Variants in RHD observed in about 807,000 individuals in gnomAD.
RHD encodes the protein blood group Rh(D) polypeptide.
Under a neutral mutation model 45.5 loss-of-function variants are expected in RHD, and 16 were observed. That is an observed-to-expected ratio of 0.35 (90% CI 0.24 to 0.53). The LOEUF is 0.53. RHD is among the 20% of genes least tolerant of loss of function. RHD has a pLI of 0.92. For missense variants in RHD, 306 were observed against 532.0 expected (o/e 0.58, Z 4.18); for synonymous variants, 131 against 217.5 (o/e 0.60, Z 3.50).
intron 8 of RHD, among the ~76,000 whole-genome samples, chr1:25,321,612 G>A (rs1644708688): frequency 7.9e-6 from 1 of 126,532 alleles, no homozygotes; most frequent in Admixed American, 7.9e-5. Flanking sequence ...AGAGGCTGCA[G>A]TGAGCCGAGA....
In RHD at chr1:25,284,777, G is replaced by A; in HGVS notation, c.335+18G>A. ...CTGTTCAGGTATTGGGATGGTGGCT[G>A]GATCACTTCTGGGTCATAGAGGGAA... On this transcript the variant is annotated intron_variant, in intron 2 of 9. Transcript: ENST00000328664. 3.6e-6 allele frequency: 5 copies of A among 1,386,660 alleles called. No individual in the cohort carries two copies. Among genetic ancestry groups the A allele is most frequent in the Non-Finnish European group, 5.1e-6 (5 of 983,752 alleles). 85.9% of individuals were successfully genotyped at this position (1,386,660 alleles called of 1,614,324 possible). A position where few individuals can be genotyped will look rare whatever the true frequency, so the allele number is the denominator to read the frequency against.
At chr1:25,277,066 A>C (rs1278396618) in intron 1 of RHD, among the ~76,000 whole-genome samples, 1 of 130,490 alleles carries the variant, frequency 7.7e-6, no homozygotes, top group Non-Finnish European at 1.8e-5. Flanking sequence ...GACTCCGTCT[A>C]AAAAAAAATG....
intron 6 of RHD, among the ~76,000 whole-genome samples, chr1:25,303,760 C>T (rs1408647842): frequency 7.7e-6 from 1 of 130,532 alleles, no homozygotes; most frequent in Non-Finnish European, 1.8e-5. Context: ...GCCCCGAAGC[C>T]CCTGTTTTAC....
chr1:25,322,494 G>A lies in RHD; in HGVS notation c.1227+532G>A, dbSNP rs193264761. Among the ~76,000 whole-genome samples the A allele has an allele frequency of 5.0e-3, 658 of 132,280 alleles. 163 individuals carry two copies. The highest frequency in any genetic ancestry group is 4.1e-3 in the East Asian group (21 of 5,098). 86.8% of individuals were successfully genotyped at this position (132,280 alleles called of 152,430 possible). On this transcript the variant is annotated intron_variant, in intron 9 of 9. Coordinates refer to ENST00000328664, the MANE Select transcript of RHD (RefSeq NM_016124.6). ...TCGAGACCAGCCTGGCCAACGTGTC[G>A]AAACCCCATCTCTACTAAAAATACA...
In RHD at chr1:25,285,873, C is replaced by G. The variant is rs1641942033; in HGVS notation, c.335+1114C>G. ...AGGGACCTCTCAAGGCCATTCCAGC[C>G]TCCCCTTCTAAGACCCTGCTAAACC... is the stretch of plus-strand genomic sequence containing the variant. On this transcript the variant is annotated intron_variant, in intron 2 of 9. Transcript: ENST00000328664. Among the ~76,000 whole-genome samples, 4 of 134,756 alleles carry G rather than the reference C, an allele frequency of 3.0e-5. No homozygotes were observed. The South Asian group carries it at 6.6e-4, about 22-fold the overall frequency. The allele number at this position is 134,756 out of a possible 152,430, so 88.4% of individuals were successfully genotyped here.
rs557746335 is a variant in RHD at position 25,276,532 on chromosome 1, TA to T, written c.148+3860del. The stretch of plus-strand genomic sequence containing the variant: ...ACATAGGGAGACCCCCCCCCATCTC[TA>T]AAAAAAAAAAAAAAAAAAAAAACTT... On this transcript the variant is annotated intron_variant, in intron 1 of 9. Transcript: ENST00000328664. Among the ~76,000 whole-genome samples, 416 of 64,748 alleles carry T rather than the reference TA, an allele frequency of 6.4e-3. 33 individuals are homozygous for T. The highest frequency in any genetic ancestry group is 0.011 in the Admixed American group (75 of 6,772). 42.5% of individuals were successfully genotyped at this position (64,748 alleles called of 152,430 possible).
In RHD at chr1:25,306,247, A is replaced by G. The variant is rs148021941; in HGVS notation, c.940-349A>G. 3.1e-3 allele frequency among the ~76,000 whole-genome samples: 404 copies of G among 131,844 alleles called. 68 individuals carry two copies. The highest frequency in any genetic ancestry group is 7.2e-3 in the African/African-American group (277 of 38,294). 86.5% of individuals were successfully genotyped at this position (131,844 alleles called of 152,430 possible). On this transcript the variant is annotated intron_variant, in intron 6 of 9. Coordinates refer to ENST00000328664, the MANE Select transcript of RHD (RefSeq NM_016124.6). Reference sequence around the variant, plus strand: ...GGGATGCTGCTTAACATCCTACAGTACACAGGGCAGCCCCCACCACAAGGA... The same window carrying G: ...GGGATGCTGCTTAACATCCTACAGTGCACAGGGCAGCCCCCACCACAAGGA...
At chr1:25,294,669 C>G in intron 3 of RHD, 1 of 755,378 alleles carries the variant, frequency 1.3e-6, no homozygotes, top group East Asian at 2.4e-5. Context: ...GAGAGTTCAT[C>G]TTAACGAGAG....
rs1046442127 is a variant in RHD at position 25,275,356 on chromosome 1, C to T, written c.148+2661C>T. Among the ~76,000 whole-genome samples the T allele has an allele frequency of 3.8e-5, 5 of 131,980 alleles. 1 individual carries two copies. Among genetic ancestry groups the T allele is most frequent in the African/African-American group, 1.3e-4 (5 of 38,736 alleles). 86.6% of individuals were successfully genotyped at this position (131,980 alleles called of 152,430 possible). ...GGTGGCAGACTCACTGGGCTGCATA[C>T]GAAGTTTGGCTTCAGTCTGAGGTCC... is the stretch of plus-strand genomic sequence containing the variant. On this transcript the variant is annotated intron_variant, in intron 1 of 9. Transcript: ENST00000328664.
intron 8 of RHD, among the ~76,000 whole-genome samples, chr1:25,318,620 G>C (rs1644537725): frequency 7.6e-6 from 1 of 131,970 alleles, no homozygotes; most frequent in Non-Finnish European, 1.8e-5. Context: ...ATTCCATCCA[G>C]AACTGTTCAC....
Position 25,315,745 on chromosome 1 carries a change from C to G in RHD, c.1074-1255C>G, listed in dbSNP as rs1476913393. On this transcript the variant is annotated intron_variant, in intron 7 of 9. Transcript: ENST00000328664. ...TCTCCTGACCTCATGATCTGCCCGC[C>G]TCGGCCTCCCAAAGTGTGGGGATTA... is the stretch of plus-strand genomic sequence containing the variant. Among the ~76,000 whole-genome samples, 2 of 130,286 alleles carry G rather than the reference C, an allele frequency of 1.5e-5. 1 individual carries two copies. The highest frequency in any genetic ancestry group is 3.6e-5 in the Non-Finnish European group (2 of 55,432). The allele number at this position is 130,286 out of a possible 152,430, so 85.5% of individuals were successfully genotyped here. A position where few individuals can be genotyped will look rare whatever the true frequency, so the allele number is the denominator to read the frequency against.
intron 3 of RHD, among the ~76,000 whole-genome samples, chr1:25,295,351 G>A (rs1470178832): frequency 9.0e-6 from 1 of 111,148 alleles, no homozygotes; most frequent in Non-Finnish European, 2.1e-5. Context: ...GTTCAATTTT[G>A]AACACTGTTC....
chr1:25,287,752 T>A (rs1428197334), intron 2 of RHD, among the ~76,000 whole-genome samples: 6 of 135,122 alleles, frequency 4.4e-5, no homozygotes, highest in African/African-American at 1.5e-4. Context: ...GACAGGGTCT[T>A]GCTCTGTTGC....
In RHD at chr1:25,297,525, A is replaced by G. The variant is rs1166344014; in HGVS notation, c.487-3421A>G. 1.6e-5 allele frequency among the ~76,000 whole-genome samples: 2 copies of G among 126,912 alleles called. 1 individual carries two copies. The highest frequency in any genetic ancestry group is 1.6e-4 in the Admixed American group (2 of 12,884). 83.3% of individuals were successfully genotyped at this position (126,912 alleles called of 152,430 possible). A position where few individuals can be genotyped will look rare whatever the true frequency, so the allele number is the denominator to read the frequency against. ...AGTGTTCATTGATTCTTCCCTGAAT[A>G]AATTAGTACTATAATAATTGCCAAT... On this transcript the variant is annotated intron_variant, in intron 3 of 9. Coordinates refer to ENST00000328664, the MANE Select transcript of RHD (RefSeq NM_016124.6).
At chr1:25,306,856 T>C in intron 7 of RHD, 127 bp downstream of exon 7, 1 of 939,866 alleles carries the variant, frequency 1.1e-6, no homozygotes, top group South Asian at 1.3e-5. Context: ...CGGTGAATAT[T>C]TGTTGGCTGA....
intron 1 of RHD, among the ~76,000 whole-genome samples, 172 bp downstream of exon 1, chr1:25,272,867 C>G (rs1415607297): frequency 7.6e-6 from 1 of 131,710 alleles, no homozygotes; most frequent in Non-Finnish European, 1.8e-5. Context: ...TGTAAGCTTT[C>G]CTTTAGAAGC....
intron 1 of RHD, among the ~76,000 whole-genome samples, chr1:25,281,359 C>T (rs1641475108): frequency 7.6e-6 from 1 of 131,082 alleles, no homozygotes; most frequent in Non-Finnish European, 1.8e-5. Flanking sequence ...TCTCTCTGGT[C>T]CCCTTCTGTA....
At chr1:25,314,474 A>C (rs1182893275) in intron 7 of RHD, among the ~76,000 whole-genome samples, 2 of 131,828 alleles carry the variant, frequency 1.5e-5, no homozygotes, top group East Asian at 3.9e-4. Context: ...TATGAATCCC[A>C]CTTTGTGCGT....
In RHD at chr1:25,302,692, GGCACCAAGTA is replaced by G. The variant is rs1215492839; in HGVS notation, c.802-627_802-618del. ...GGGCCCAGTCACACAGGGTGGCACA[GGCACCAAGTA>G]GCCAATAATAATAATAAAAACAATA... is the stretch of plus-strand genomic sequence containing the variant. On this transcript the variant is annotated intron_variant, in intron 5 of 9. Transcript: ENST00000328664. Among the ~76,000 whole-genome samples, 2 of 130,614 alleles carry G rather than the reference GGCACCAAGTA, an allele frequency of 1.5e-5. 1 individual carries two copies. Among genetic ancestry groups the G allele is most frequent in the Non-Finnish European group, 3.6e-5 (2 of 55,308 alleles). 85.7% of individuals were successfully genotyped at this position (130,614 alleles called of 152,430 possible).
Sources: gnomAD v4.1 joint callset for allele counts (sites outside exome capture counted in the v4.1 genomes callset) on GRCh38, gnomAD v4.1.1 for gene constraint, MANE v1.5 for transcripts, NCBI Gene and HGNC (gene_info 2026-07-23, HGNC 2026-07-21) for gene names.